Variants in TSNARE1 observed in about 807,000 individuals in gnomAD.
The protein encoded by TSNARE1 is t-SNARE domain-containing protein 1.
A neutral mutation model predicts 62.0 loss-of-function variants in TSNARE1; 49 were observed. The ratio of observed to expected loss-of-function variants is 0.79; its 90% CI spans 0.63 to 1.00. TSNARE1 has a LOEUF of 1.00. TSNARE1 is among the 50% of genes least tolerant of loss of function. The pLI, the probability that TSNARE1 is intolerant of heterozygous loss-of-function variation, is 0.00. For synonymous variants in TSNARE1, 328 were observed against 294.4 expected, an observed-to-expected ratio of 1.11 and a Z score of -1.17; for missense variants, 755 against 700.1, an observed-to-expected ratio of 1.08 and a Z score of -0.88.
intron 13 of TSNARE1, among the ~76,000 whole-genome samples, chr8:142,217,198 A>G (rs1350826282): frequency 6.6e-6 from 1 of 151,610 alleles, no homozygotes; most frequent in Non-Finnish European, 1.5e-5. Context: ...GAGCCGAGAT[A>G]GGGCCACTGC....
chr8:142,246,896 A>G (rs1023903621), intron 12 of TSNARE1, among the ~76,000 whole-genome samples: 7 of 152,262 alleles, frequency 4.6e-5, no homozygotes, highest in Admixed American at 6.5e-5. Context: ...AGCGATGAGC[A>G]AAGACCATCA....
intron 4 of TSNARE1, among the ~76,000 whole-genome samples, chr8:142,336,408 A>G (rs1002876452): frequency 1.1e-4 from 16 of 152,134 alleles, no homozygotes; most frequent in African/African-American, 3.4e-4. Context: ...GTAAACAGTA[A>G]TCATAAGAAA....
At chr8:142,383,805 C>T (rs1411535855) in intron 1 of TSNARE1, among the ~76,000 whole-genome samples, 1 of 152,178 alleles carries the variant, frequency 6.6e-6, no homozygotes, top group Admixed American at 6.5e-5. Flanking sequence ...TTCTAGAACT[C>T]ACCTTAAAAC....
chr8:142,214,443 T>G (rs1230554082), intron 13 of TSNARE1, among the ~76,000 whole-genome samples: 1 of 152,146 alleles, frequency 6.6e-6, no homozygotes, highest in Non-Finnish European at 1.5e-5. Flanking sequence ...AGTCCCTGGA[T>G]CCCTCGGGAT....
rs529693209 is a variant in TSNARE1, at chr8:142,286,534, T to C, written c.1291-2049A>G. 5.3e-5 allele frequency among the ~76,000 whole-genome samples: 8 copies of C among 152,254 alleles called. 1 individual carries two copies. In the South Asian group the frequency reaches 6.2e-4, roughly 12 times the overall value. ...GCGAGAAGGTGGGGCCCAGGGGTCA[T>C]GGCTTCAGTGTGCATCTGTGGCATG... is the stretch of plus-strand genomic sequence containing the variant. On this transcript the variant is annotated intron_variant, in intron 10 of 13. Transcript: ENST00000524325.
At chr8:142,307,038 C>G (rs1326454921) in intron 9 of TSNARE1, among the ~76,000 whole-genome samples, 1 of 152,220 alleles carries the variant, frequency 6.6e-6, no homozygotes, top group Non-Finnish European at 1.5e-5. Flanking sequence ...GTTCTGAATA[C>G]TACAGAAATG....
intron 13 of TSNARE1, among the ~76,000 whole-genome samples, chr8:142,220,948 G>A (rs1485833834): frequency 6.6e-6 from 1 of 152,236 alleles, no homozygotes; most frequent in Non-Finnish European, 1.5e-5. Context: ...CTCCCTGCTG[G>A]CATACAGCAA....
intron 13 of TSNARE1, among the ~76,000 whole-genome samples, chr8:142,219,902 C>T (rs1168497821): frequency 6.6e-6 from 1 of 152,188 alleles, no homozygotes; most frequent in Non-Finnish European, 1.5e-5. Context: ...TGGGTGCCAG[C>T]CCAGAGCTGA....
Position 142,347,605 on chromosome 8 carries a change from CAG to C in TSNARE1, c.89-1715_89-1714del, listed in dbSNP as rs1338233277. On this transcript the variant is annotated intron_variant, in intron 2 of 13. Transcript: ENST00000524325. ...TCAGAAATGGGGTCCCACAGGCCCC[CAG>C]AGAGACCACAGGCCCTGCTGTCACT... Among the ~76,000 whole-genome samples the C allele has an allele frequency of 2.0e-5, 3 of 152,346 alleles. No homozygotes were observed. In the East Asian group the frequency reaches 5.8e-4, roughly 29 times the overall value.
intron 4 of TSNARE1, among the ~76,000 whole-genome samples, chr8:142,339,385 C>T (rs1357915433): frequency 6.6e-6 from 1 of 151,900 alleles, no homozygotes; most frequent in Non-Finnish European, 1.5e-5. Context: ...TCTCTGCAGG[C>T]CAGGGAGAAT....
chr8:142,397,038 G>A (rs1260889457), intron 1 of TSNARE1, among the ~76,000 whole-genome samples: 3 of 148,568 alleles, frequency 2.0e-5, no homozygotes, highest in African/African-American at 7.5e-5. Flanking sequence ...CAGCCCCTAT[G>A]TGTGGCAGTG....
intron 12 of TSNARE1, chr8:142,270,286 A>G: frequency 1.0e-6 from 1 of 985,458 alleles, no homozygotes; most frequent in Non-Finnish European, 1.2e-6. Flanking sequence ...GGAAGTGCCC[A>G]GGCCCCCGCA....
In TSNARE1 at chr8:142,315,035, C is replaced by T; in HGVS notation, c.1042G>A (p.Asp348Asn). The change falls in exon 8 of 14, where the codon GAT becomes AAT. Residue 348 changes from aspartate to asparagine, a missense_variant. Coordinates refer to ENST00000524325, the MANE Select transcript of TSNARE1 (RefSeq NM_145003.5). ...QLDRLKTQLS[D>N]AIQCYGVVQK... The stretch of plus-strand genomic sequence containing the variant: ...ACCACTCCATAGCACTGAATGGCAT[C>T]TGAGAGCTGGGTTTTCAGCCGGTCC... 6.2e-7 allele frequency: 1 copy of T among 1,614,194 alleles called. No homozygotes were observed.
intron 1 of TSNARE1, among the ~76,000 whole-genome samples, chr8:142,368,384 T>A (rs1331869375): frequency 6.6e-6 from 1 of 152,184 alleles, no homozygotes; most frequent in Non-Finnish European, 1.5e-5. Flanking sequence ...AAATTTATAC[T>A]GGTTCGGAGA....
chr8:142,374,547 C>T (rs2131092531), intron 1 of TSNARE1, among the ~76,000 whole-genome samples: 1 of 151,908 alleles, frequency 6.6e-6, no homozygotes, highest in Non-Finnish European at 1.5e-5. Context: ...GGCGTGATGG[C>T]GGGCGCCTGT....
intron 5 of TSNARE1, among the ~76,000 whole-genome samples, 160 bp downstream of exon 5, chr8:142,331,594 C>A (rs1831043293): frequency 6.6e-6 from 1 of 152,190 alleles, no homozygotes; most frequent in Admixed American, 6.5e-5. Context: ...CCATCCAGCA[C>A]CCTCGCATCC....
intron 7 of TSNARE1, among the ~76,000 whole-genome samples, chr8:142,315,978 C>T (rs531418231): frequency 2.0e-5 from 3 of 152,344 alleles, no homozygotes; most frequent in African/African-American, 2.4e-5. Flanking sequence ...AGGAGCCATT[C>T]GCTTCACGAG....
At chr8:142,391,268 C>T (rs887848988) in intron 1 of TSNARE1, among the ~76,000 whole-genome samples, 3 of 148,436 alleles carry the variant, frequency 2.0e-5, no homozygotes, top group Non-Finnish European at 3.0e-5. Context: ...CTATAACAGA[C>T]GCTGTACACT....
At chr8:142,324,524 G>A (rs894796713) in intron 6 of TSNARE1, among the ~76,000 whole-genome samples, 2 of 150,314 alleles carry the variant, frequency 1.3e-5, no homozygotes, top group South Asian at 2.1e-4. Context: ...GGCCAGAACC[G>A]ACCTGAGTAC....
Sources: gnomAD v4.1 joint callset for allele counts (sites outside exome capture counted in the v4.1 genomes callset) on GRCh38, gnomAD v4.1.1 for gene constraint, MANE v1.5 for transcripts, NCBI Gene and HGNC (gene_info 2026-07-23, HGNC 2026-07-21) for gene names.